The following COL18A1 variants were observed in gnomAD, a reference collection of about 807,000 sequenced individuals.
COL18A1 encodes the protein collagen type XVIII alpha 1 chain.
A neutral mutation model predicts 168.0 loss-of-function variants in COL18A1; 133 were observed. The ratio of observed to expected loss-of-function variants is 0.79; its 90% CI spans 0.69 to 0.91. COL18A1 has a LOEUF of 0.91. Ranked by LOEUF, COL18A1 falls within the 40% of genes least tolerant of loss-of-function variation. The probability of loss-of-function intolerance (pLI) is 0.00; values close to 1 mark genes in which losing one functional copy is unlikely to be tolerated. For missense variants in COL18A1, 2,126 were observed against 1,925.4 expected, an observed-to-expected ratio of 1.10 and a Z score of -1.95; for synonymous variants, 949 against 809.0, an observed-to-expected ratio of 1.17 and a Z score of -2.94.
At chr21:45,458,062 G>C (rs1433865182) in intron 2 of COL18A1, among the ~76,000 whole-genome samples, 2 of 148,664 alleles carry the variant, frequency 1.3e-5, no homozygotes, top group East Asian at 2.1e-4. Flanking sequence ...GACAACAGGT[G>C]GTCCCAGGAG....
intron 32 of COL18A1, chr21:45,503,000 G>A (rs2036945369): frequency 6.6e-6 from 1 of 152,030 alleles, no homozygotes; most frequent in African/African-American, 2.4e-5. Context: ...TTTTAAAAAG[G>A]CACCATTGTG....
In COL18A1 at chr21:45,418,798, G is replaced by C. The variant is rs1279018936; in HGVS notation, c.106+13325G>C. Among the ~76,000 whole-genome samples the C allele has an allele frequency of 3.3e-5, 5 of 152,202 alleles. No individual in the cohort carries two copies. In the East Asian group the frequency reaches 9.6e-4, roughly 29 times the overall value. ...TCTCTGCTTTAGCGTTGGGTTCCCG[G>C]GTCCCTCCCACCCCGACCTCCTGTG... On this transcript the variant is annotated intron_variant, in intron 2 of 41. Transcript: ENST00000651438.
rs1376564570 is a variant in COL18A1 at position 45,498,626 on chromosome 21, G to A, written c.2683+965G>A. ...CATCCTTAAGGCCTGTGGAGGCAAA[G>A]GCAGGCAGAAAGCAAGCGGGAAGAT... On this transcript the variant is annotated intron_variant, in intron 32 of 41. Coordinates refer to ENST00000651438, the MANE Select transcript of COL18A1 (RefSeq NM_001379500.1). The surrounding 1 kb of genome is among the most constrained non-coding windows in gnomAD (Gnocchi z 4.5). 8 of 703,954 alleles carry A rather than the reference G, an allele frequency of 1.1e-5. No homozygotes were observed. The East Asian group carries it at 2.2e-4, about 19-fold the overall frequency. 43.6% of individuals were successfully genotyped at this position (703,954 alleles called of 1,614,324 possible).
chr21:45,444,554 G>C lies in COL18A1; in HGVS notation c.107-23688G>C, dbSNP rs2034464243. ...TGGAGGGTGGTTCCACAGTGCTGTGGACAGAGGAGCCCTCGATAAATGCCA... is the reference window on the plus strand; with the variant it reads ...TGGAGGGTGGTTCCACAGTGCTGTGCACAGAGGAGCCCTCGATAAATGCCA... On this transcript the variant is annotated intron_variant, in intron 2 of 41. Coordinates refer to ENST00000651438, the MANE Select transcript of COL18A1 (RefSeq NM_001379500.1). Among the ~76,000 whole-genome samples, 2 of 152,264 alleles carry C rather than the reference G, an allele frequency of 1.3e-5. 1 individual carries two copies. Among genetic ancestry groups the C allele is most frequent in the South Asian group, 4.1e-4 (2 of 4,828 alleles).
At chr21:45,455,371 C>CTGG in intron 2 of COL18A1, 5 of 999,122 alleles carry the variant, frequency 5.0e-6, no homozygotes, top group Non-Finnish European at 7.4e-6. Context: ...GATTCCAAGG[C>CTGG]TGGTGCCTTC....
intron 2 of COL18A1, among the ~76,000 whole-genome samples, chr21:45,461,106 C>T (rs751195373): frequency 4.6e-5 from 7 of 152,124 alleles, no homozygotes; most frequent in South Asian, 2.1e-4. Context: ...GTGCCATATG[C>T]GATACAGTAT....
chr21:45,507,740 G>A (rs1242760006), intron 38 of COL18A1, 147 bp downstream of exon 38: 12 of 778,532 alleles, frequency 1.5e-5, no homozygotes, highest in Non-Finnish European at 2.4e-5. Flanking sequence ...GCAGAAACTG[G>A]TGCAGGACAC....
intron 2 of COL18A1, among the ~76,000 whole-genome samples, chr21:45,438,500 G>C (rs901742773): frequency 1.3e-5 from 2 of 152,260 alleles, no homozygotes; most frequent in African/African-American, 4.8e-5. Context: ...ACCCATCCTT[G>C]TTTTCTCGAT....
In COL18A1 at chr21:45,509,387, T is replaced by C; in HGVS notation, c.3281T>C (p.Val1094Ala). Residue 1094 changes from valine to alanine, a missense_variant, in exon 39 of 42, where the codon GTG becomes GCG. Transcript: ENST00000651438. ...GAAGTGGCCGCCTTGCAGCCCCCCG[T>C]GGTGCAGCTGCACGACAGCAACCCC... ...DNEVAALQPP[V>A]VQLHDSNPYP... is the part of the protein sequence containing the mutation. 6.5e-7 allele frequency: 1 copy of C among 1,540,646 alleles called. No individual in the cohort carries two copies. Among genetic ancestry groups the C allele is most frequent in the Non-Finnish European group, 8.8e-7 (1 of 1,142,496 alleles).
intron 31 of COL18A1, 97 bp from the exon 32 acceptor site, chr21:45,497,502 A>T: frequency 6.8e-7 from 1 of 1,472,724 alleles, no homozygotes; most frequent in Non-Finnish European, 9.3e-7. Flanking sequence ...CCCCCCATCC[A>T]GGCCCCCAGG....
intron 18 of COL18A1, 60 bp from the exon 19 acceptor site, chr21:45,489,426 C>T (rs904543962): frequency 1.0e-5 from 13 of 1,304,968 alleles, no homozygotes; most frequent in East Asian, 2.5e-5. Flanking sequence ...CCGGGGTGGA[C>T]GCTGCCTGAG....
rs1449354873 is a variant in COL18A1, at chr21:45,457,377, C to A, written c.107-10865C>A. 2.6e-5 allele frequency among the ~76,000 whole-genome samples: 4 copies of A among 152,202 alleles called. No individual in the cohort carries two copies. The highest frequency in any genetic ancestry group is 9.6e-5 in the African/African-American group (4 of 41,452). ...CCGCGTGGGCAGTGCAGAGACCCTA[C>A]CAGCGTGGGGACCAGGGAGGTCTGC... On this transcript the variant is annotated intron_variant, in intron 2 of 41. Transcript: ENST00000651438. This position sits in a 1 kb window ranked among gnomAD's most constrained non-coding sequence, Gnocchi z 4.6.
chr21:45,493,432 C>T (rs547465180), intron 25 of COL18A1, 69 bp from the exon 26 acceptor site: 28 of 1,444,506 alleles, frequency 1.9e-5, no homozygotes, highest in East Asian at 2.5e-5. Context: ...GCCCTGCCTT[C>T]GGGGCTCTGG....
chr21:45,405,751 G>A (rs1414710635), intron 2 of COL18A1, among the ~76,000 whole-genome samples: 1 of 151,206 alleles, frequency 6.6e-6, no homozygotes, highest in African/African-American at 2.4e-5. Context: ...GGCCGGCGGG[G>A]TCGTCGGTGC....
chr21:45,455,559 T>A (rs368343259), intron 2 of COL18A1: 3 of 1,613,732 alleles, frequency 1.9e-6, no homozygotes, highest in Non-Finnish European at 2.5e-6. Context: ...GGCTGCCACA[T>A]CCTGCTGCTG....
intron 2 of COL18A1, among the ~76,000 whole-genome samples, chr21:45,428,649 C>T (rs951746701): frequency 6.6e-6 from 1 of 152,164 alleles, no homozygotes; most frequent in East Asian, 1.9e-4. Flanking sequence ...CAAGAACCTG[C>T]GAGTCCACTT....
chr21:45,436,586 G>A (rs112081493), intron 2 of COL18A1, among the ~76,000 whole-genome samples: 26 of 152,234 alleles, frequency 1.7e-4, no homozygotes, highest in African/African-American at 6.3e-4. Context: ...CATTGGGGAG[G>A]GGACCATGGG....
Position 45,494,887 on chromosome 21 carries a change from A to G in COL18A1, c.2405A>G (p.Lys802Arg). The change falls in exon 28 of 42, where the codon AAG becomes AGG. Residue 802 changes from lysine (K) to arginine (R), a missense_variant. Physicochemically the swap from Lys to Arg is conservative, Grantham distance 26. Transcript: ENST00000651438. ...PPGPYGRPGY[K>R]GEIGFPGRPG... ...GGTCCATACGGACGGCCGGGGTACA[A>G]GGGAGAGATTGGCTTTCCTGGACGG... The G allele has an allele frequency of 6.2e-7, 1 of 1,610,878 alleles. No homozygotes were observed. Among genetic ancestry groups the G allele is most frequent in the African/African-American group, 1.3e-5 (1 of 74,982 alleles).
At chr21:45,496,883 G>A (rs564108832) in intron 30 of COL18A1, among the ~76,000 whole-genome samples, 167 bp from the exon 31 acceptor site, 13 of 152,220 alleles carry the variant, frequency 8.5e-5, no homozygotes, top group South Asian at 2.1e-4. Context: ...GCGTCAGGCC[G>A]TGGCTCCTGC....
Sources: allele counts gnomAD v4.1 joint callset (sites outside exome capture counted in the v4.1 genomes callset), GRCh38; gene constraint gnomAD v4.1.1; non-coding constraint Gnocchi (gnomAD v3.1); transcripts MANE v1.5; gene names NCBI Gene and HGNC (gene_info 2026-07-23, HGNC 2026-07-21).